The following AGPAT3 variants were observed in gnomAD, a reference collection of about 807,000 sequenced individuals.
AGPAT3 encodes 1-acylglycerol-3-phosphate O-acyltransferase 3.
AGPAT3 carries 5 observed loss-of-function variants against 47.3 expected under a neutral mutation model. That is an observed-to-expected ratio of 0.11 (90% CI 0.06 to 0.22). The LOEUF (loss-of-function observed/expected upper bound fraction) is 0.22, where lower values mean the gene tolerates loss of function less well. Among genes scored for constraint, AGPAT3 ranks in the 10% least tolerant of loss-of-function variants. The pLI, the probability that AGPAT3 is intolerant of heterozygous loss-of-function variation, is 1.00. For missense variants in AGPAT3, 315 were observed against 493.0 expected (o/e 0.64, Z 3.42); for synonymous variants, 212 against 208.3 (o/e 1.02, Z -0.15).
chr21:43,977,981 T>C, intron 7 of AGPAT3, 65 bp from the exon 8 acceptor site: 1 of 1,358,348 alleles, frequency 7.4e-7, no homozygotes, highest in South Asian at 1.2e-5. Flanking sequence ...TGTTCCCCTG[T>C]GCCCTCTTTC....
chr21:43,963,075 C>T (rs1286458914), intron 3 of AGPAT3, among the ~76,000 whole-genome samples: 2 of 152,060 alleles, frequency 1.3e-5, no homozygotes, highest in Non-Finnish European at 2.9e-5. Flanking sequence ...AAAGCAAAAC[C>T]GTATGGATGG....
intron 1 of AGPAT3, among the ~76,000 whole-genome samples, chr21:43,891,803 C>A (rs79043352): frequency 6.6e-6 from 1 of 152,142 alleles, no homozygotes; most frequent in East Asian, 1.9e-4. Context: ...AAGTCATCCA[C>A]GTAGCTTGGA....
chr21:43,933,545 C>A lies in AGPAT3; in HGVS notation c.-48-26089C>A, dbSNP rs2087329961. Among the ~76,000 whole-genome samples the A allele has an allele frequency of 6.6e-6, 1 of 152,208 alleles. No individual in the cohort carries two copies. Among genetic ancestry groups the A allele is most frequent in the Admixed American group, 6.5e-5 (1 of 15,284 alleles). On this transcript the variant is annotated intron_variant, in intron 2 of 9. Coordinates refer to ENST00000291572, the MANE Select transcript of AGPAT3 (RefSeq NM_020132.5). The surrounding 1 kb of genome is among the most constrained non-coding windows in gnomAD (Gnocchi z 6.0). ...CATGCCCAGCATTGTTCTCAGTGCG[C>A]CCCGGGGGTCTTTGGTTCTCCATAG...
rs1435171796 is a variant in AGPAT3 at position 43,904,836 on chromosome 21, C to T, written c.-49+817C>T. ...GCTGCTTTCTACCCAGGAGGTGTCTCCTCCAAATGCTGTCGGCAGAGATCA... is the reference window on the plus strand; with the variant it reads ...GCTGCTTTCTACCCAGGAGGTGTCTTCTCCAAATGCTGTCGGCAGAGATCA... On this transcript the variant is annotated intron_variant, in intron 2 of 9. Coordinates refer to ENST00000291572, the MANE Select transcript of AGPAT3 (RefSeq NM_020132.5). Among the ~76,000 whole-genome samples, 7 of 152,304 alleles carry T rather than the reference C, an allele frequency of 4.6e-5. No homozygotes were observed. In the East Asian group the frequency reaches 1.4e-3, roughly 29 times the overall value.
At chr21:43,911,326 A>G (rs893607177) in intron 2 of AGPAT3, among the ~76,000 whole-genome samples, 8 of 152,272 alleles carry the variant, frequency 5.3e-5, no homozygotes, top group Non-Finnish European at 8.8e-5. Context: ...TCAGTCTACT[A>G]GAACCCGAGT....
chr21:43,971,795 C>G (rs541608756), intron 7 of AGPAT3, among the ~76,000 whole-genome samples: 1 of 152,212 alleles, frequency 6.6e-6, no homozygotes, highest in Non-Finnish European at 1.5e-5. Flanking sequence ...ACCTGGCTTT[C>G]GAGGCCACCT....
chr21:43,894,420 G>A (rs1006323529), intron 1 of AGPAT3, among the ~76,000 whole-genome samples: 3 of 148,672 alleles, frequency 2.0e-5, no homozygotes, highest in African/African-American at 7.5e-5. Flanking sequence ...TAACAGCTTT[G>A]TGGAGATATA....
At position 43,981,196 on chromosome 21, in the gene AGPAT3, C is replaced by G. The variant is rs1290342672; in HGVS notation, c.1042+9C>G. 1 of 1,613,844 alleles carries G rather than the reference C, an allele frequency of 6.2e-7. No homozygotes were observed. Among genetic ancestry groups the G allele is most frequent in the Non-Finnish European group, 8.5e-7 (1 of 1,179,870 alleles). ...GGGGTTTGTGGGAGCAGGTAATGGA[C>G]ACTGTCGCTAACAGCTCACACTCTG... On this transcript the variant is annotated intron_variant, in intron 9 of 9. Transcript: ENST00000291572. This position sits in a 1 kb window ranked among gnomAD's most constrained non-coding sequence, Gnocchi z 5.3.
chr21:43,932,402 T>A lies in AGPAT3; in HGVS notation c.-48-27232T>A, dbSNP rs573601748. ...GGCTGATTATCCACTTAGTGTCGGG[T>A]CTACCACGTTTGTCTGTGATGTTGC... On this transcript the variant is annotated intron_variant, in intron 2 of 9. Transcript: ENST00000291572. The surrounding 1 kb of genome is among the most constrained non-coding windows in gnomAD (Gnocchi z 5.2). Among the ~76,000 whole-genome samples the A allele has an allele frequency of 9.4e-4, 143 of 152,288 alleles. 2 individuals carry two copies. The highest frequency in any genetic ancestry group is 3.2e-3 in the African/African-American group (131 of 41,544).
chr21:43,971,989 TTGG>T (rs1354738871), intron 7 of AGPAT3, among the ~76,000 whole-genome samples: 1 of 152,142 alleles, frequency 6.6e-6, no homozygotes, highest in African/African-American at 2.4e-5. Context: ...GGCAGGTCTC[TTGG>T]TGGGCAGGAC....
At chr21:43,873,682 T>C (rs982887784) in intron 1 of AGPAT3, among the ~76,000 whole-genome samples, 2 of 152,188 alleles carry the variant, frequency 1.3e-5, no homozygotes, top group African/African-American at 4.8e-5. Flanking sequence ...CCAGCCCAAG[T>C]TGTCAGTTTC....
At chr21:43,878,694 G>A (rs1186899787) in intron 1 of AGPAT3, among the ~76,000 whole-genome samples, 4 of 151,864 alleles carry the variant, frequency 2.6e-5, no homozygotes, top group Admixed American at 2.6e-4. Context: ...TTGAAAGAAT[G>A]ACACTGTTGT....
rs1006728337 is a variant in AGPAT3, at chr21:43,982,631, C to T, written c.*239C>T. 2.9e-4 allele frequency: 106 copies of T among 360,016 alleles called. 1 individual carries two copies. The highest frequency in any genetic ancestry group is 4.5e-4 in the South Asian group (13 of 29,002). 22.3% of individuals were successfully genotyped at this position (360,016 alleles called of 1,614,324 possible). On this transcript the variant is annotated 3_prime_UTR_variant, in exon 10 of 10. Transcript: ENST00000291572. The surrounding 1 kb of genome is among the most constrained non-coding windows in gnomAD (Gnocchi z 6.2). ...CGCGCCCGTGGGAGGTGGGTCCGGC[C>T]GGAGAGGCCTCCCGCGGACGCCGTC...
chr21:43,955,421 C>T lies in AGPAT3; in HGVS notation c.-48-4213C>T, dbSNP rs1460842551. Among the ~76,000 whole-genome samples, 2 of 152,058 alleles carry T rather than the reference C, an allele frequency of 1.3e-5. No homozygotes were observed. Among genetic ancestry groups the T allele is most frequent in the East Asian group, 2.0e-4 (1 of 5,098 alleles). On this transcript the variant is annotated intron_variant, in intron 2 of 9. Transcript: ENST00000291572. This position sits in a 1 kb window ranked among gnomAD's most constrained non-coding sequence, Gnocchi z 4.1. Reference sequence around the variant, plus strand: ...CCATCTTAATCGTGTGTTATTTATTCCTGGATGAAGTTCTTTTCTTTTTTG... The same window carrying T: ...CCATCTTAATCGTGTGTTATTTATTTCTGGATGAAGTTCTTTTCTTTTTTG...
At chr21:43,919,223 G>T (rs144743983) in intron 2 of AGPAT3, among the ~76,000 whole-genome samples, 1 of 152,190 alleles carries the variant, frequency 6.6e-6, no homozygotes, top group Non-Finnish European at 1.5e-5. Flanking sequence ...ATGCGGACAG[G>T]TTCTTTAGTG....
chr21:43,943,972 C>T (rs889711105), intron 2 of AGPAT3, among the ~76,000 whole-genome samples: 4 of 152,224 alleles, frequency 2.6e-5, no homozygotes, highest in Non-Finnish European at 5.9e-5. Flanking sequence ...GTGGCAGCTT[C>T]GGGAGGGTTC....
chr21:43,957,516 C>T (rs892955246), intron 2 of AGPAT3, among the ~76,000 whole-genome samples: 5 of 144,808 alleles, frequency 3.5e-5, no homozygotes, highest in Admixed American at 6.8e-5. Flanking sequence ...CGGGGGGTCT[C>T]GGGTTTCCCC....
intron 2 of AGPAT3, among the ~76,000 whole-genome samples, chr21:43,935,429 C>T (rs976105226): frequency 6.6e-6 from 1 of 152,246 alleles, no homozygotes; most frequent in Non-Finnish European, 1.5e-5. Context: ...GGCATGAAGC[C>T]GTTCAGGAGG....
intron 2 of AGPAT3, among the ~76,000 whole-genome samples, chr21:43,929,057 C>T (rs565495715): frequency 1.4e-4 from 22 of 152,326 alleles, no homozygotes; most frequent in Admixed American, 3.3e-4. Context: ...AAACTCCGTG[C>T]GTTCTCGTTA....
Sources: allele counts gnomAD v4.1 joint callset (sites outside exome capture counted in the v4.1 genomes callset), GRCh38; gene constraint gnomAD v4.1.1; non-coding constraint Gnocchi (gnomAD v3.1); transcripts MANE v1.5; gene names NCBI Gene and HGNC (gene_info 2026-07-23, HGNC 2026-07-21).